RANBP2: variants seen among roughly 807,000 people sequenced by gnomAD.
RANBP2 encodes RAN binding protein 2, also known as E3 SUMO-protein ligase RanBP2.
Under a neutral mutation model 303.6 loss-of-function variants are expected in RANBP2, and 57 were observed. The ratio of observed to expected loss-of-function variants is 0.19; its 90% CI spans 0.15 to 0.23. RANBP2 has a LOEUF of 0.23. Among genes scored for constraint, RANBP2 ranks in the 10% least tolerant of loss-of-function variants. The pLI is 1.00. For synonymous variants in RANBP2, 1,167 were observed against 1,301.5 expected, an observed-to-expected ratio of 0.90 and a Z score of 2.23; for missense variants, 3,138 against 3,780.8, an observed-to-expected ratio of 0.83 and a Z score of 4.46.
the RANBP2 span, among the ~76,000 whole-genome samples, chr2:109,025,304 C>T: frequency 1.1e-4 from 17 of 152,128 alleles, no homozygotes; most frequent in African/African-American, 4.1e-4. Flanking sequence ...TAATGCTGCT[C>T]TAATCACTGG....
At chr2:109,150,263 C>T in the RANBP2 span, among the ~76,000 whole-genome samples, 2 of 151,878 alleles carry the variant, frequency 1.3e-5, no homozygotes, top group Non-Finnish European at 2.9e-5. Flanking sequence ...AGCATGGAAG[C>T]CTAGGGTCCT....
chr2:108,856,885 A>G, the RANBP2 span: 2 of 1,613,248 alleles, frequency 1.2e-6, no homozygotes, highest in Non-Finnish European at 1.7e-6. Context: ...AGGCTGTTCC[A>G]GTAATATTAA....
the RANBP2 span, among the ~76,000 whole-genome samples, chr2:109,380,897 A>C: frequency 6.6e-6 from 1 of 152,358 alleles, no homozygotes; most frequent in East Asian, 1.9e-4. Context: ...CAGGGCACGC[A>C]CTGGTCCTCA....
the RANBP2 span, among the ~76,000 whole-genome samples, chr2:109,686,406 C>CA: frequency 7.4e-3 from 1,128 of 152,268 alleles, 18 homozygotes; most frequent in African/African-American, 0.026. Flanking sequence ...CCTCTGCCTC[C>CA]CGGGTTCACG....
the RANBP2 span, chr2:109,502,254 C>T: frequency 1.3e-5 from 2 of 152,258 alleles, no homozygotes; most frequent in Admixed American, 6.5e-5. Context: ...AATCTGTGGG[C>T]TTGTCGCCTG....
chr2:109,090,451 T>C, the RANBP2 span, among the ~76,000 whole-genome samples: 58 of 151,668 alleles, frequency 3.8e-4, 3 homozygotes, highest in Non-Finnish European at 1.5e-5. Context: ...TTAAATAAAG[T>C]TGAAACAACA....
the RANBP2 span, chr2:109,313,757 G>A: frequency 6.5e-6 from 1 of 155,010 alleles, no homozygotes; most frequent in Non-Finnish European, 1.5e-5. Context: ...CGGTTTCTTT[G>A]TAGCGATGGG....
the RANBP2 span, among the ~76,000 whole-genome samples, chr2:109,549,300 G>A: frequency 2.6e-5 from 4 of 152,138 alleles, no homozygotes; most frequent in Non-Finnish European, 4.4e-5. Context: ...TCAAATGGAG[G>A]TTGCATACCT....
the RANBP2 span, chr2:108,895,128 A>AGGT: frequency 6.5e-6 from 1 of 152,774 alleles, no homozygotes; most frequent in Non-Finnish European, 1.5e-5. Context: ...TAAACCAAAT[A>AGGT]GGTTCGAAAA....
chr2:109,576,622 A>C, the RANBP2 span, among the ~76,000 whole-genome samples: 6 of 152,132 alleles, frequency 3.9e-5, no homozygotes, highest in African/African-American at 1.4e-4. Context: ...AATTCCAAAG[A>C]AGCTTTTATT....
chr2:108,859,130 G>C, the RANBP2 span, among the ~76,000 whole-genome samples: 1 of 152,108 alleles, frequency 6.6e-6, no homozygotes, highest in Admixed American at 6.5e-5. Context: ...TTGTGGTTTT[G>C]GTTTGCATTT....
the RANBP2 span, among the ~76,000 whole-genome samples, chr2:109,692,176 G>T: frequency 1.6e-4 from 25 of 152,170 alleles, no homozygotes; most frequent in South Asian, 4.1e-4. Context: ...ATAAAATGTG[G>T]CAGCAGAAAA....
the RANBP2 span, among the ~76,000 whole-genome samples, chr2:109,530,312 C>T: frequency 2.8e-4 from 43 of 152,146 alleles, no homozygotes; most frequent in African/African-American, 1.0e-3. Context: ...GCTGTGACAT[C>T]AAGCAACTGA....
the RANBP2 span, among the ~76,000 whole-genome samples, chr2:109,265,524 CAGTATAGGCT>C: frequency 3.3e-5 from 5 of 152,280 alleles, no homozygotes; most frequent in South Asian, 1.0e-3. Context: ...TGCTATAGGC[CAGTATAGGCT>C]GGGGTCCCTG....
the RANBP2 span, among the ~76,000 whole-genome samples, chr2:109,066,656 C>G: frequency 6.6e-6 from 1 of 152,198 alleles, no homozygotes; most frequent in South Asian, 2.1e-4. Flanking sequence ...GCCCTTGTGT[C>G]TGTCCCCTCC....
At chr2:108,798,099 A>G in the RANBP2 span, among the ~76,000 whole-genome samples, 9,030 of 152,098 alleles carry the variant, frequency 0.059, 316 homozygotes, top group South Asian at 0.14. Flanking sequence ...GGGTATAGGT[A>G]AAATAGTGGA....
chr2:108,800,060 C>T, the RANBP2 span, among the ~76,000 whole-genome samples: 14 of 152,112 alleles, frequency 9.2e-5, no homozygotes, highest in African/African-American at 2.6e-4. Context: ...TATGTATCAC[C>T]TGTATCATCT....
chr2:109,088,193 T>C, the RANBP2 span, among the ~76,000 whole-genome samples: 1 of 151,748 alleles, frequency 6.6e-6, no homozygotes, highest in Non-Finnish European at 1.5e-5. Context: ...GGTCAAGAGA[T>C]CAAGACCATC....
chr2:108,738,920 G>A (rs1695843944), intron 6 of RANBP2, among the ~76,000 whole-genome samples: 1 of 151,672 alleles, frequency 6.6e-6, no homozygotes, highest in Admixed American at 6.6e-5. Flanking sequence ...GTGAGCCACC[G>A]CACAGGGCCA....
Sources: allele counts gnomAD v4.1 joint callset (sites outside exome capture counted in the v4.1 genomes callset), GRCh38; gene constraint gnomAD v4.1.1; transcripts MANE v1.5; gene names NCBI Gene and HGNC (gene_info 2026-07-23, HGNC 2026-07-21).